The following CFAP74 variants were observed in gnomAD, a reference collection of about 807,000 sequenced individuals.
The protein encoded by CFAP74 is cilia- and flagella-associated protein 74.
In CFAP74, 124 loss-of-function variants were observed where a neutral mutation model predicts 188.9. The observed-to-expected ratio is 0.66, with a 90% CI of 0.57 to 0.76. The LOEUF (loss-of-function observed/expected upper bound fraction) is 0.76, where lower values mean the gene tolerates loss of function less well. CFAP74 is among the 30% of genes least tolerant of loss of function. The probability of loss-of-function intolerance (pLI) is 0.00; values close to 1 mark genes in which losing one functional copy is unlikely to be tolerated. For missense variants in CFAP74, 2,198 were observed against 2,165.2 expected (o/e 1.02, Z -0.30); for synonymous variants, 956 against 916.7 (o/e 1.04, Z -0.77).
chr1:1,978,584 G>A (rs1457535197), intron 6 of CFAP74, among the ~76,000 whole-genome samples: 3 of 152,286 alleles, frequency 2.0e-5, no homozygotes, highest in Middle Eastern at 3.4e-3. Flanking sequence ...GGCTGGTTTT[G>A]AAGATGGAGG....
chr1:1,925,167 C>T (rs1651771377), intron 33 of CFAP74, among the ~76,000 whole-genome samples: 1 of 143,988 alleles, frequency 6.9e-6, no homozygotes, highest in African/African-American at 2.6e-5. Context: ...GGCATGAGGG[C>T]ACGCAGGGCA....
chr1:1,928,720 T>C, intron 27 of CFAP74, 64 bp downstream of exon 27: 1 of 1,262,166 alleles, frequency 7.9e-7, no homozygotes. Context: ...TCGAAGGCGG[T>C]GGAGTTTGTT....
intron 27 of CFAP74, among the ~76,000 whole-genome samples, chr1:1,928,092 G>A (rs1652063060): frequency 6.6e-6 from 1 of 152,276 alleles, no homozygotes; most frequent in South Asian, 2.1e-4. Flanking sequence ...ACGCCCAGGA[G>A]GAACCCAGGC....
intron 18 of CFAP74, among the ~76,000 whole-genome samples, chr1:1,948,614 G>T (rs1246763643): frequency 9.6e-5 from 11 of 115,176 alleles, no homozygotes; most frequent in Non-Finnish European, 1.5e-4. Context: ...TTTTTGGCAG[G>T]GTCTCACTCT....
At chr1:1,970,872 C>A (rs77152626) in intron 9 of CFAP74, 56 bp from the exon 10 acceptor site, 2 of 1,591,852 alleles carry the variant, frequency 1.3e-6, no homozygotes, top group African/African-American at 1.3e-5. Context: ...CACATGCACA[C>A]GCTCACACCT....
intron 25 of CFAP74, among the ~76,000 whole-genome samples, chr1:1,934,052 G>C (rs1305614428): frequency 6.6e-6 from 1 of 152,192 alleles, no homozygotes; most frequent in Non-Finnish European, 1.5e-5. Flanking sequence ...GCAAAATCCA[G>C]ACCAGCAGCA....
intron 18 of CFAP74, among the ~76,000 whole-genome samples, chr1:1,948,591 C>CTTT (rs1374630448): frequency 3.7e-5 from 2 of 53,858 alleles, no homozygotes; most frequent in Non-Finnish European, 7.1e-5. Flanking sequence ...TTCCTTTCTT[C>CTTT]TTGTTTTTTT....
At chr1:1,930,372 A>G in intron 25 of CFAP74, 36 bp from the exon 26 acceptor site, 1 of 1,485,444 alleles carries the variant, frequency 6.7e-7, no homozygotes, top group Non-Finnish European at 9.0e-7. Context: ...TCAGCCGTGC[A>G]GGGCGTCCGT....
chr1:1,996,947 A>G (rs1021212685), intron 1 of CFAP74, among the ~76,000 whole-genome samples: 1 of 150,674 alleles, frequency 6.6e-6, no homozygotes, highest in African/African-American at 2.4e-5. Context: ...AAAAAAAAAA[A>G]GAAGAAGAAG....
Position 1,932,068 on chromosome 1 carries a change from A to AAAAAAC in CFAP74, c.3012-1733_3012-1732insGTTTTT, listed in dbSNP as rs1445606362. Among the ~76,000 whole-genome samples the AAAAAAC allele has an allele frequency of 5.3e-4, 46 of 87,070 alleles. 1 individual carries two copies. The highest frequency in any genetic ancestry group is 1.4e-3 in the African/African-American group (39 of 27,710). 57.1% of individuals were successfully genotyped at this position (87,070 alleles called of 152,430 possible). The stretch of plus-strand genomic sequence containing the variant: ...GTGACAGAGTGAGACTCTCGCCTCA[A>AAAAAAC]AAAAAAAAAAACAAAAAACAAAAAA... On this transcript the variant is annotated intron_variant, in intron 25 of 38. Coordinates refer to ENST00000682832, the MANE Select transcript of CFAP74 (RefSeq NM_001304360.2).
intron 16 of CFAP74, among the ~76,000 whole-genome samples, chr1:1,958,399 C>G (rs1051372026): frequency 6.6e-6 from 1 of 152,250 alleles, no homozygotes; most frequent in Non-Finnish European, 1.5e-5. Context: ...CTGGGAGATG[C>G]TCGTGCTGCC....
chr1:1,951,836 T>C (rs1457839065), intron 18 of CFAP74, among the ~76,000 whole-genome samples: 1 of 150,432 alleles, frequency 6.6e-6, no homozygotes, highest in Non-Finnish European at 1.5e-5. Flanking sequence ...TTTGGGAGGC[T>C]GAGATGAGTG....
At position 1,922,193 on chromosome 1, in the gene CFAP74, A is replaced by AGGTCCCAGGCTCTAGGGTAG; in HGVS notation, c.*74_*93dup. 1.1e-6 allele frequency: 1 copy of AGGTCCCAGGCTCTAGGGTAG among 917,004 alleles called. No individual in the cohort carries two copies. The highest frequency in any genetic ancestry group is 1.5e-5 in the South Asian group (1 of 65,510). The allele number at this position is 917,004 out of a possible 1,614,324, so 56.8% of individuals were successfully genotyped here. ...TATTGGAATCTGGCAGAGGATGGCC[A>AGGTCCCAGGCTCTAGGGTAG]GGTCCCAGGCTCTAGGGTAGTATGA... On this transcript the variant is annotated 3_prime_UTR_variant, in exon 39 of 39. Transcript: ENST00000682832.
At chr1:1,955,389 G>C in intron 18 of CFAP74, 1 of 1,387,674 alleles carries the variant, frequency 7.2e-7, no homozygotes. Flanking sequence ...CCCCTCCAGG[G>C]GGCACCGCAG....
intron 11 of CFAP74, 147 bp from the exon 12 acceptor site, chr1:1,966,673 G>A (rs1045048835): frequency 5.4e-6 from 3 of 559,206 alleles, no homozygotes; most frequent in South Asian, 8.4e-5. Flanking sequence ...CGGTGCACAC[G>A]GTTTTGTAAC....
At chr1:1,948,113 T>C (rs1401022444) in intron 18 of CFAP74, among the ~76,000 whole-genome samples, 1 of 151,840 alleles carries the variant, frequency 6.6e-6, no homozygotes, top group Non-Finnish European at 1.5e-5. Context: ...CCTTGTGATC[T>C]GCCCACCTTG....
At chr1:1,967,523 C>T (rs1315642355) in intron 11 of CFAP74, among the ~76,000 whole-genome samples, 2 of 152,048 alleles carry the variant, frequency 1.3e-5, no homozygotes, top group Non-Finnish European at 2.9e-5. Flanking sequence ...GTGCAAAGGC[C>T]CCGGCGTGAG....
intron 25 of CFAP74, among the ~76,000 whole-genome samples, chr1:1,931,073 A>T (rs912205943): frequency 6.6e-6 from 1 of 152,172 alleles, no homozygotes; most frequent in Non-Finnish European, 1.5e-5. Flanking sequence ...GTTCATTCAT[A>T]TGTTGTAATA....
rs144006794 is a variant in CFAP74 at position 1,986,923 on chromosome 1, C to T, written c.395+14G>A. 837 of 1,596,354 alleles carry T rather than the reference C, an allele frequency of 5.2e-4. 7 individuals carry two copies. In the African/African-American group the frequency reaches 9.5e-3, roughly 18 times the overall value. ...TCATGCCCGGTTCCCTGCCCCCTGGCGAGGGCCACCTACATGTTGCCCGCC... is the reference window on the plus strand; with the variant it reads ...TCATGCCCGGTTCCCTGCCCCCTGGTGAGGGCCACCTACATGTTGCCCGCC... On this transcript the variant is annotated intron_variant, in intron 5 of 38. Coordinates refer to ENST00000682832, the MANE Select transcript of CFAP74 (RefSeq NM_001304360.2).
Sources: allele counts gnomAD v4.1 joint callset (sites outside exome capture counted in the v4.1 genomes callset), GRCh38; gene constraint gnomAD v4.1.1; transcripts MANE v1.5; gene names NCBI Gene and HGNC (gene_info 2026-07-23, HGNC 2026-07-21).